The following UGT2A1 variants were observed in gnomAD, a reference collection of about 807,000 sequenced individuals.
UGT2A1 encodes UDP glucuronosyltransferase family 2 member A1 complex locus.
A neutral mutation model predicts 45.4 loss-of-function variants in UGT2A1; 61 were observed. The ratio of observed to expected loss-of-function variants is 1.34; its 90% CI spans 1.09 to 1.66. UGT2A1 has a LOEUF of 1.66. Ranked by LOEUF, UGT2A1 falls within the 40% of genes most tolerant of loss-of-function variation. The probability of loss-of-function intolerance (pLI) is 0.00; values close to 1 mark genes in which losing one functional copy is unlikely to be tolerated. For synonymous variants in UGT2A1, 229 were observed against 196.2 expected, an observed-to-expected ratio of 1.17 and a Z score of -1.40; for missense variants, 649 against 574.3, an observed-to-expected ratio of 1.13 and a Z score of -1.33.
chr4:69,630,990 C>T (rs969952106), intron 3 of UGT2A1, among the ~76,000 whole-genome samples: 1 of 152,106 alleles, frequency 6.6e-6, no homozygotes, highest in Non-Finnish European at 1.5e-5. Flanking sequence ...TGAATGTGAT[C>T]TCTGTGATAG....
At chr4:69,612,693 C>A (rs186406068) in intron 3 of UGT2A1, among the ~76,000 whole-genome samples, 1 of 151,636 alleles carries the variant, frequency 6.6e-6, no homozygotes, top group Non-Finnish European at 1.5e-5. Context: ...AGAAAGAAAC[C>A]GGATTGTCAC....
chr4:69,605,971 C>T (rs1488735271), intron 3 of UGT2A1, among the ~76,000 whole-genome samples: 1 of 136,730 alleles, frequency 7.3e-6, no homozygotes, highest in African/African-American at 3.0e-5. Context: ...CAGATGGATT[C>T]ACAGCTGAAT....
At chr4:69,607,846 A>C (rs1285533784) in intron 3 of UGT2A1, among the ~76,000 whole-genome samples, 3 of 152,240 alleles carry the variant, frequency 2.0e-5, no homozygotes, top group African/African-American at 7.2e-5. Context: ...CCATCAGAGA[A>C]ATGCAAAACA....
chr4:69,608,058 T>C (rs780297995), intron 3 of UGT2A1, among the ~76,000 whole-genome samples: 1 of 152,152 alleles, frequency 6.6e-6, no homozygotes, highest in Non-Finnish European at 1.5e-5. Flanking sequence ...GATCCAGCCA[T>C]CCCATTACTG....
At chr4:69,640,906 C>T (rs892030613) in intron 2 of UGT2A1, among the ~76,000 whole-genome samples, 2 of 151,640 alleles carry the variant, frequency 1.3e-5, no homozygotes, top group Admixed American at 6.6e-5. Flanking sequence ...TCAAAATAAG[C>T]CCAGTAAAAG....
At chr4:69,602,119 CATT>C (rs1349798833) in intron 3 of UGT2A1, among the ~76,000 whole-genome samples, 1 of 135,838 alleles carries the variant, frequency 7.4e-6, no homozygotes, top group Non-Finnish European at 1.6e-5. Flanking sequence ...AAGTTGGACT[CATT>C]ATAGTAATGA....
At chr4:69,610,373 A>G (rs865985186) in intron 3 of UGT2A1, among the ~76,000 whole-genome samples, 1 of 152,072 alleles carries the variant, frequency 6.6e-6, no homozygotes, top group Non-Finnish European at 1.5e-5. Flanking sequence ...TTCATTTTCT[A>G]TCTGGCCATT....
In UGT2A1 at chr4:69,594,613, C is replaced by T. The variant is rs1718804201; in HGVS notation, c.1168G>A (p.Gly390Arg). Residue 390 changes from glycine (G) to arginine (R), a missense_variant, in exon 6 of 7, where the codon GGA becomes AGA. Physicochemically the swap from Gly to Arg is moderately radical, Grantham distance 125. Transcript: ENST00000286604. ...GGCTGATCAGCAAACATGGGAACTC[C>T]CACCATAGGGACTCCGTGGTAAATA... ...EAIYHGVPMV[G>R]VPMFADQPDN... The T allele has an allele frequency of 6.2e-7, 1 of 1,614,084 alleles. No homozygotes were observed. Among genetic ancestry groups the T allele is most frequent in the South Asian group, 1.1e-5 (1 of 91,082 alleles).
intron 3 of UGT2A1, among the ~76,000 whole-genome samples, chr4:69,613,265 G>A (rs1346226599): frequency 2.0e-5 from 3 of 151,862 alleles, no homozygotes; most frequent in Admixed American, 6.6e-5. Flanking sequence ...GACATATATA[G>A]CCCATAAGAC....
intron 3 of UGT2A1, among the ~76,000 whole-genome samples, chr4:69,635,144 G>A (rs905791248): frequency 6.6e-6 from 1 of 152,070 alleles, no homozygotes; most frequent in African/African-American, 2.4e-5. Flanking sequence ...AATTTAAAAA[G>A]AGGAGTAAGG....
At chr4:69,627,194 A>C (rs1286805788) in intron 3 of UGT2A1, among the ~76,000 whole-genome samples, 1 of 151,878 alleles carries the variant, frequency 6.6e-6, no homozygotes, top group African/African-American at 2.4e-5. Flanking sequence ...ATCCTTTGCC[A>C]CAATAACACA....
intron 1 of UGT2A1, among the ~76,000 whole-genome samples, chr4:69,652,352 C>T (rs533333931): frequency 4.2e-4 from 58 of 138,750 alleles, no homozygotes; most frequent in African/African-American, 1.2e-3. Context: ...GGCATAATCT[C>T]GGGTCACTGC....
At chr4:69,645,684 A>G (rs990756921) in intron 2 of UGT2A1, among the ~76,000 whole-genome samples, 1 of 151,786 alleles carries the variant, frequency 6.6e-6, no homozygotes, top group African/African-American at 2.4e-5. Context: ...AAATCAGGTC[A>G]TAATATTTCC....
chr4:69,633,844 T>A (rs1721520499), intron 3 of UGT2A1, among the ~76,000 whole-genome samples: 1 of 152,164 alleles, frequency 6.6e-6, no homozygotes, highest in Non-Finnish European at 1.5e-5. Flanking sequence ...ATTGCATTCA[T>A]GTTTTGTTTA....
chr4:69,612,996 T>A (rs1393921514), intron 3 of UGT2A1, among the ~76,000 whole-genome samples: 1 of 149,348 alleles, frequency 6.7e-6, no homozygotes, highest in Non-Finnish European at 1.5e-5. Flanking sequence ...AAAGGTCTAA[T>A]ATCCAGATTA....
At chr4:69,652,856 A>C (rs1722603887) in intron 1 of UGT2A1, among the ~76,000 whole-genome samples, 1 of 152,162 alleles carries the variant, frequency 6.6e-6, no homozygotes, top group South Asian at 2.1e-4. Flanking sequence ...TCATCTAATG[A>C]AGGAACAAAC....
chr4:69,591,166 A>T (rs963592527), intron 6 of UGT2A1, among the ~76,000 whole-genome samples: 2 of 152,160 alleles, frequency 1.3e-5, no homozygotes, highest in Non-Finnish European at 2.9e-5. Context: ...ATATTTGAAG[A>T]TATTTATTTG....
In UGT2A1 at chr4:69,605,334, C is replaced by T. The variant is rs79395984; in HGVS notation, c.848-5940G>A. Among the ~76,000 whole-genome samples, 21 of 135,762 alleles carry T rather than the reference C, an allele frequency of 1.5e-4. 5 individuals are homozygous for T. Among genetic ancestry groups the T allele is most frequent in the African/African-American group, 5.7e-4 (19 of 33,304 alleles). The allele number at this position is 135,762 out of a possible 152,430, so 89.1% of individuals were successfully genotyped here. The stretch of plus-strand genomic sequence containing the variant: ...TCCTGAATGACTACTGGGTACATAA[C>T]GAAATGAAGGCAGAAATAAAGATGT... On this transcript the variant is annotated intron_variant, in intron 3 of 6. Transcript: ENST00000286604.
At position 69,629,109 on chromosome 4, in the gene UGT2A1, T is replaced by C. The variant is rs531977072; in HGVS notation, c.847+6582A>G. ...TTTTTTCAAACATTGCTATTCCCTC[T>C]CCTTTTAACCACCTTCACTTGAATT... is the stretch of plus-strand genomic sequence containing the variant. On this transcript the variant is annotated intron_variant, in intron 3 of 6. Transcript: ENST00000286604. 3.3e-4 allele frequency among the ~76,000 whole-genome samples: 50 copies of C among 152,030 alleles called. 1 individual carries two copies. Among genetic ancestry groups the C allele is most frequent in the African/African-American group, 9.2e-4 (38 of 41,492 alleles).
Sources: allele counts gnomAD v4.1 joint callset (sites outside exome capture counted in the v4.1 genomes callset), GRCh38; gene constraint gnomAD v4.1.1; transcripts MANE v1.5; gene names NCBI Gene and HGNC (gene_info 2026-07-23, HGNC 2026-07-21).